The following PDE4C variants were observed in gnomAD, a reference collection of about 807,000 sequenced individuals.
PDE4C encodes 3',5'-cyclic-AMP phosphodiesterase 4C.
In PDE4C, 50 loss-of-function variants were observed where a neutral mutation model predicts 63.9. That is an observed-to-expected ratio of 0.78 (90% CI 0.62 to 0.99). PDE4C has a LOEUF of 0.99. PDE4C is among the 50% of genes least tolerant of loss of function. The pLI, the probability that PDE4C is intolerant of heterozygous loss-of-function variation, is 0.00. For missense variants in PDE4C, 777 were observed against 899.1 expected (o/e 0.86, Z 1.74); for synonymous variants, 377 against 385.1 (o/e 0.98, Z 0.25).
chr19:18,225,516 C>T (rs1388556808), intron 1 of PDE4C: 1 of 152,068 alleles, frequency 6.6e-6, no homozygotes, highest in Non-Finnish European at 1.5e-5. Context: ...CCTTTGGGTG[C>T]CAGACTTACC....
Position 18,221,252 on chromosome 19 carries a change from G to A in PDE4C, c.375+9C>T, listed in dbSNP as rs779959743. 17 of 1,547,204 alleles carry A rather than the reference G, an allele frequency of 1.1e-5. No homozygotes were observed. The Admixed American group carries it at 1.7e-4, about 15-fold the overall frequency. ...GGGGGTCAGGGCAGGGAGGGCGGGG[G>A]ACACCCACCTGGGCAAAGGGCGTCA... On this transcript the variant is annotated intron_variant, in intron 3 of 14. Coordinates refer to ENST00000262805, the Ensembl canonical transcript of PDE4C.
chr19:18,232,883 C>G, intron 1 of PDE4C: 1 of 1,407,130 alleles, frequency 7.1e-7, no homozygotes, highest in South Asian at 1.5e-5. Context: ...AGGACCCTCC[C>G]CCACTCCCGC....
intron 1 of PDE4C, among the ~76,000 whole-genome samples, chr19:18,246,474 C>T (rs904365339): frequency 7.9e-5 from 12 of 152,140 alleles, no homozygotes; most frequent in African/African-American, 2.9e-4. Context: ...TGAGCCACCG[C>T]GCCCAGACTA....
In PDE4C at chr19:18,232,376, TG is replaced by T. The variant is rs1968866657; in HGVS notation, c.242+573del. On this transcript the variant is annotated intron_variant, in intron 1 of 14. Coordinates refer to the PDE4C transcript ENST00000594465. ...AGACTCTGTCTCAAAAATAAAAACG[TG>T]TGTGTGTGTGTGTGTGTGTGTGTGT... Among the ~76,000 whole-genome samples, 77 of 149,450 alleles carry T rather than the reference TG, an allele frequency of 5.2e-4. 1 individual carries two copies. The highest frequency in any genetic ancestry group is 1.7e-3 in the African/African-American group (70 of 40,834).
rs753391966 is a variant in PDE4C, at chr19:18,210,878, A to C, written c.*51T>G. 3 of 1,518,872 alleles carry C rather than the reference A, an allele frequency of 2.0e-6. No homozygotes were observed. The South Asian group carries it at 4.0e-5, about 20-fold the overall frequency. The allele number at this position is 1,518,872 out of a possible 1,614,324, so 94.1% of individuals were successfully genotyped here. ...CTTCCTGGAAAGTCTGCCTGCCAAG[A>C]GCCAAAGGGCTTTACCATCCATTGC... On this transcript the variant is annotated 3_prime_UTR_variant, in exon 15 of 15. Coordinates refer to ENST00000262805, the Ensembl canonical transcript of PDE4C.
At chr19:18,241,004 TCTAGGACTG>T (rs1969025866) in intron 1 of PDE4C, among the ~76,000 whole-genome samples, 1 of 152,028 alleles carries the variant, frequency 6.6e-6, no homozygotes, top group African/African-American at 2.4e-5. Context: ...ATCTCATCCT[TCTAGGACTG>T]TTCCCCGCAT....
At chr19:18,229,286 G>T, upstream of PDE4C, among the ~76,000 whole-genome samples, 1 of 151,208 alleles carries the variant, frequency 6.6e-6, no homozygotes, top group Admixed American at 6.6e-5. Flanking sequence ...TGTCGCCCAG[G>T]GTGGAGTGCA....
chr19:18,217,937 C>T (rs1968273198), intron 11 of PDE4C, among the ~76,000 whole-genome samples: 1 of 152,172 alleles, frequency 6.6e-6, no homozygotes, highest in Non-Finnish European at 1.5e-5. Flanking sequence ...ACCAGATCAG[C>T]TCTGCCACAG....
In PDE4C at chr19:18,216,599, GA is replaced by G. The variant is rs1230389861; in HGVS notation, c.1389+141del. 3.9e-6 allele frequency: 3 copies of G among 777,712 alleles called. No individual in the cohort carries two copies. In the African/African-American group the frequency reaches 5.2e-5, roughly 14 times the overall value. The allele number at this position is 777,712 out of a possible 1,614,324, so 48.2% of individuals were successfully genotyped here. A position where few individuals can be genotyped will look rare whatever the true frequency, so the allele number is the denominator to read the frequency against. ...CCCACTGTTCCATTTCACAGATGAG[GA>G]AGCTCAGACAGAGTGAGGACATGCC... On this transcript the variant is annotated intron_variant, in intron 12 of 14. Coordinates refer to ENST00000262805, the Ensembl canonical transcript of PDE4C.
chr19:18,219,139 G>T, intron 8 of PDE4C, 95 bp downstream of exon 8: 4 of 1,585,582 alleles, frequency 2.5e-6, no homozygotes, highest in Admixed American at 1.7e-5. Flanking sequence ...AGCCCCAACT[G>T]CCCAGTATAT....
intron 1 of PDE4C, among the ~76,000 whole-genome samples, chr19:18,247,386 C>A (rs1969150927): frequency 6.6e-6 from 1 of 152,150 alleles, no homozygotes; most frequent in Non-Finnish European, 1.5e-5. Context: ...ACCTCCGCCT[C>A]CCAGGTTCAA....
chr19:18,240,178 G>C (rs1174309466), intron 1 of PDE4C, among the ~76,000 whole-genome samples: 5 of 152,016 alleles, frequency 3.3e-5, no homozygotes, highest in Non-Finnish European at 2.9e-5. Context: ...TGCCAGGCAT[G>C]GTGGCTCATG....
At chr19:18,251,106 T>G (rs1019322940), upstream of PDE4C, among the ~76,000 whole-genome samples, 2 of 148,024 alleles carry the variant, frequency 1.4e-5, no homozygotes, top group African/African-American at 5.0e-5. Context: ...ATCAATTACT[T>G]TATTTATTTT....
upstream of PDE4C, among the ~76,000 whole-genome samples, chr19:18,251,847 G>A (rs868004401): frequency 3.9e-5 from 6 of 152,072 alleles, no homozygotes; most frequent in Middle Eastern, 3.4e-3. Context: ...GCAAGTATTA[G>A]TTTCTCTCTT....
intron 11 of PDE4C, among the ~76,000 whole-genome samples, chr19:18,217,477 G>A: frequency 9.9e-6 from 1 of 100,872 alleles, no homozygotes; most frequent in East Asian, 2.0e-4. Context: ...CTGGACTCTA[G>A]GTCCTTTTGA....
chr19:18,232,376 TGTGTGTG>T (rs767523743), intron 1 of PDE4C, among the ~76,000 whole-genome samples: 27,760 of 149,290 alleles, frequency 0.19, 3,031 homozygotes, highest in African/African-American at 0.28. Context: ...AATAAAAACG[TGTGTGTG>T]TGTGTGTGTG....
intron 1 of PDE4C, among the ~76,000 whole-genome samples, chr19:18,247,982 A>G (rs868018981): frequency 1.3e-4 from 20 of 152,150 alleles, no homozygotes; most frequent in African/African-American, 4.6e-4. Flanking sequence ...CAGGTTCAGC[A>G]GCCTGGGTGG....
chr19:18,216,671 CTGTCTGCA>C, intron 12 of PDE4C, 62 bp downstream of exon 12: 2 of 1,446,160 alleles, frequency 1.4e-6, no homozygotes, highest in South Asian at 2.7e-5. Context: ...CCCCACCCTG[CTGTCTGCA>C]GATGAGAAGG....
intron 12 of PDE4C, among the ~76,000 whole-genome samples, chr19:18,214,117 G>A (rs1172768648): frequency 1.3e-5 from 2 of 152,114 alleles, no homozygotes; most frequent in East Asian, 3.9e-4. Context: ...AGTTAGCCTG[G>A]CATGGTGGTG....
Sources: allele counts gnomAD v4.1 joint callset (sites outside exome capture counted in the v4.1 genomes callset), GRCh38; gene constraint gnomAD v4.1.1; transcripts MANE v1.5; gene names NCBI Gene and HGNC (gene_info 2026-07-23, HGNC 2026-07-21).